The following TTLL9 variants were observed in gnomAD, a reference collection of about 807,000 sequenced individuals.
The protein encoded by TTLL9 is tubulin tyrosine ligase like 9, also known as probable tubulin polyglutamylase TTLL9.
A neutral mutation model predicts 65.6 loss-of-function variants in TTLL9; 47 were observed. That is an observed-to-expected ratio of 0.72 (90% CI 0.57 to 0.91). The LOEUF (loss-of-function observed/expected upper bound fraction) is 0.91. TTLL9 is among the 40% of genes least tolerant of loss of function. The probability of loss-of-function intolerance (pLI) is 0.00; values close to 1 mark genes in which losing one functional copy is unlikely to be tolerated. For synonymous variants in TTLL9, 179 were observed against 204.8 expected (o/e 0.87, Z 1.07); for missense variants, 537 against 568.8 (o/e 0.94, Z 0.57).
At chr20:31,880,717 G>A (rs2063106136) in intron 2 of TTLL9, among the ~76,000 whole-genome samples, 1 of 151,998 alleles carries the variant, frequency 6.6e-6, no homozygotes, top group African/African-American at 2.4e-5. Context: ...TCGATCTCTT[G>A]ACCTCGTGAT....
chr20:31,878,455 C>A (rs959704658), intron 2 of TTLL9, among the ~76,000 whole-genome samples: 1 of 152,214 alleles, frequency 6.6e-6, no homozygotes, highest in East Asian at 1.9e-4. Flanking sequence ...GTTGAGTATT[C>A]ATTTGGCCAA....
intron 8 of TTLL9, among the ~76,000 whole-genome samples, chr20:31,924,454 C>T (rs1375282683): frequency 6.6e-6 from 1 of 152,190 alleles, no homozygotes; most frequent in African/African-American, 2.4e-5. Flanking sequence ...TGGGCAGGCA[C>T]CTTGTCTCCA....
intron 14 of TTLL9, among the ~76,000 whole-genome samples, chr20:31,942,529 C>T (rs1344099253): frequency 1.3e-5 from 2 of 152,154 alleles, no homozygotes; most frequent in Non-Finnish European, 2.9e-5. Flanking sequence ...GAAGCAGCAG[C>T]GTGGGGTAGT....
chr20:31,888,129 C>T (rs2063226539), intron 3 of TTLL9, among the ~76,000 whole-genome samples: 1 of 152,164 alleles, frequency 6.6e-6, no homozygotes, highest in Non-Finnish European at 1.5e-5. Flanking sequence ...GGTGATCTGC[C>T]TGCCTCGGCC....
At chr20:31,905,338 G>T (rs1335116365) in intron 4 of TTLL9, among the ~76,000 whole-genome samples, 1 of 152,056 alleles carries the variant, frequency 6.6e-6, no homozygotes, top group Admixed American at 6.5e-5. Context: ...GCCTCCCAAA[G>T]TGCTAGGATT....
chr20:31,922,980 C>A lies in TTLL9; in HGVS notation c.591C>A (p.Asp197Glu), dbSNP rs749750682. 9.9e-6 allele frequency: 16 copies of A among 1,613,598 alleles called. No individual in the cohort carries two copies. The Admixed American group carries it at 1.3e-4, about 13-fold the overall frequency. Residue 197 changes from aspartate (D) to glutamate (E), a missense_variant, in exon 8 of 15, where the codon GAC becomes GAA. Transcript: ENST00000535842. The part of the protein sequence containing the change: ...VDWRKDTRSS[D>E]DQKDDIPVEN... ...ACAACTAGGACACAAGAAGCTCTGA[C>A]GACCAGAAAGATGATATTCCCGTGG...
At chr20:31,907,227 T>G (rs2063571019) in intron 4 of TTLL9, among the ~76,000 whole-genome samples, 1 of 152,224 alleles carries the variant, frequency 6.6e-6, no homozygotes, top group South Asian at 2.1e-4. Flanking sequence ...GCCTCCATTT[T>G]CTCATCTGTA....
intron 2 of TTLL9, among the ~76,000 whole-genome samples, chr20:31,878,337 C>T (rs1372382681): frequency 1.3e-5 from 2 of 152,348 alleles, no homozygotes; most frequent in East Asian, 3.9e-4. Flanking sequence ...CAGCATCTTC[C>T]ACACTACTAC....
chr20:31,921,771 A>G (rs2063819204), intron 7 of TTLL9, among the ~76,000 whole-genome samples: 1 of 152,154 alleles, frequency 6.6e-6, no homozygotes, highest in Non-Finnish European at 1.5e-5. Context: ...GGAATTGAAC[A>G]ATGAGAACAC....
chr20:31,871,783 A>G (rs891429734), intron 2 of TTLL9, among the ~76,000 whole-genome samples: 1 of 152,160 alleles, frequency 6.6e-6, no homozygotes, highest in Non-Finnish European at 1.5e-5. Context: ...GATTGTTCCT[A>G]CCTTCATTAG....
intron 4 of TTLL9, among the ~76,000 whole-genome samples, chr20:31,904,963 T>C (rs2063530714): frequency 6.6e-6 from 1 of 152,120 alleles, no homozygotes; most frequent in Non-Finnish European, 1.5e-5. Flanking sequence ...CATGGCTTGG[T>C]ACAAACATCA....
intron 2 of TTLL9, among the ~76,000 whole-genome samples, chr20:31,883,300 C>T (rs966334330): frequency 3.3e-5 from 5 of 151,622 alleles, no homozygotes; most frequent in Non-Finnish European, 7.4e-5. Context: ...TGGGTTCAAG[C>T]GATTCTTTTG....
chr20:31,881,602 CTTTTT>C (rs5841092), intron 2 of TTLL9, among the ~76,000 whole-genome samples: 3 of 125,252 alleles, frequency 2.4e-5, no homozygotes, highest in East Asian at 4.4e-4. Context: ...ACACATATAA[CTTTTT>C]TTTTTTTTTT....
At position 31,909,854 on chromosome 20, in the gene TTLL9, C is replaced by T. The variant is rs773378300; in HGVS notation, c.436C>T (p.Pro146Ser). Residue 146 changes from proline (P) to serine (S), a missense_variant, in exon 6 of 15, where the codon CCT becomes TCT. Pro to Ser is a moderately conservative substitution (Grantham distance 74). Around this residue, in one of 3 missense-constraint regions of TTLL9, gnomAD observed 320 missense variants for 311.0 expected, o/e 1.03. Coordinates refer to ENST00000535842, the MANE Select transcript of TTLL9 (RefSeq NM_001008409.5). ...CTTCTTCCCCAAAACCTTTGAGATG[C>T]CTTGCGAGTACCACCTGTTTGTAGA... ...CDFFPKTFEMPCEYHLFVEEF... is the reference protein window; with the variant it reads ...CDFFPKTFEMSCEYHLFVEEF... The T allele has an allele frequency of 1.9e-6, 3 of 1,614,150 alleles. No homozygotes were observed. Among genetic ancestry groups the T allele is most frequent in the Non-Finnish European group, 2.5e-6 (3 of 1,180,016 alleles).
At chr20:31,938,138 C>T (rs1275663906) in intron 13 of TTLL9, 2 of 449,676 alleles carry the variant, frequency 4.4e-6, no homozygotes, top group South Asian at 1.6e-5. Context: ...CCCTCCCTCC[C>T]TTCTCTTTCC....
At chr20:31,925,926 C>G in intron 9 of TTLL9, 123 bp from the exon 10 acceptor site, 1 of 1,555,354 alleles carries the variant, frequency 6.4e-7, no homozygotes, top group Non-Finnish European at 8.7e-7. Context: ...GATTCTCCAA[C>G]ACCCGCTTCA....
chr20:31,900,272 CA>C (rs1263622703), intron 4 of TTLL9, among the ~76,000 whole-genome samples: 1 of 152,180 alleles, frequency 6.6e-6, no homozygotes, highest in Non-Finnish European at 1.5e-5. Flanking sequence ...ATCATCCCAA[CA>C]AATCTTTCAG....
intron 9 of TTLL9, 37 bp downstream of exon 9, chr20:31,925,086 G>A: frequency 1.2e-6 from 2 of 1,612,426 alleles, no homozygotes; most frequent in Non-Finnish European, 1.7e-6. Context: ...TCCAGCAGGG[G>A]TTAAAGGGTG....
intron 2 of TTLL9, among the ~76,000 whole-genome samples, chr20:31,875,782 A>AATTT (rs1462325494): frequency 6.6e-6 from 1 of 152,200 alleles, no homozygotes; most frequent in African/African-American, 2.4e-5. Context: ...TTGTTTAAAT[A>AATTT]AAACAAAAAC....
Sources: gnomAD v4.1 joint callset for allele counts (sites outside exome capture counted in the v4.1 genomes callset) on GRCh38, gnomAD v4.1.1 for gene constraint, gnomAD v4.1.1 regional missense constraint, MANE v1.5 for transcripts, NCBI Gene and HGNC (gene_info 2026-07-23, HGNC 2026-07-21) for gene names.